The following PPARGC1A variants were observed in gnomAD, a reference collection of about 807,000 sequenced individuals.
The protein encoded by PPARGC1A is PPARG coactivator 1 alpha.
Under a neutral mutation model 88.7 loss-of-function variants are expected in PPARGC1A, and 25 were observed. The observed-to-expected ratio is 0.28, with a 90% CI of 0.21 to 0.39. The LOEUF is 0.39. Ranked by LOEUF, PPARGC1A falls within the 10% of genes least tolerant of loss-of-function variation. The probability of loss-of-function intolerance (pLI) is 1.00; values close to 1 mark genes in which losing one functional copy is unlikely to be tolerated. For missense variants in PPARGC1A, 880 were observed against 968.7 expected, an observed-to-expected ratio of 0.91 and a Z score of 1.22; for synonymous variants, 363 against 355.6, an observed-to-expected ratio of 1.02 and a Z score of -0.24.
chr4:24,331,958 C>T, the PPARGC1A span, among the ~76,000 whole-genome samples: 9 of 151,828 alleles, frequency 5.9e-5, no homozygotes, highest in Admixed American at 2.0e-4. Context: ...TGACAGGCCC[C>T]GGTGTGTGAC....
chr4:24,283,577 A>G, the PPARGC1A span, among the ~76,000 whole-genome samples: 5 of 152,234 alleles, frequency 3.3e-5, no homozygotes, highest in Non-Finnish European at 5.9e-5. Flanking sequence ...AAGTAGACCA[A>G]TAAATAGAAA....
At chr4:24,029,789 A>G in the PPARGC1A span, among the ~76,000 whole-genome samples, 1 of 151,884 alleles carries the variant, frequency 6.6e-6, no homozygotes, top group Non-Finnish European at 1.5e-5. Flanking sequence ...CAGGAAAAAA[A>G]AATATAATAC....
intron 3 of PPARGC1A, among the ~76,000 whole-genome samples, chr4:23,830,147 T>C (rs1724743082): frequency 1.3e-5 from 2 of 152,302 alleles, no homozygotes; most frequent in Non-Finnish European, 2.9e-5. Context: ...ATGAAAGATT[T>C]TGTGATGCTT....
At chr4:24,169,744 C>T in the PPARGC1A span, among the ~76,000 whole-genome samples, 368 of 152,144 alleles carry the variant, frequency 2.4e-3, 1 homozygote, top group African/African-American at 8.5e-3. Context: ...TGGCAGGCGC[C>T]TGTAATCCCA....
At chr4:24,053,030 A>AT in the PPARGC1A span, among the ~76,000 whole-genome samples, 4,584 of 140,768 alleles carry the variant, frequency 0.033, 212 homozygotes, top group African/African-American at 0.11. Context: ...CACCCGGCTA[A>AT]TTTTTTTTTT....
At chr4:24,236,818 G>A in the PPARGC1A span, among the ~76,000 whole-genome samples, 640 of 152,238 alleles carry the variant, frequency 4.2e-3, 7 homozygotes, top group Middle Eastern at 0.031. Context: ...TTATATGTTC[G>A]AAAATCCCCT....
chr4:23,921,045 ACCC>A, the PPARGC1A span, among the ~76,000 whole-genome samples: 1 of 150,844 alleles, frequency 6.6e-6, no homozygotes, highest in South Asian at 2.1e-4. Context: ...CTCCCGTGCC[ACCC>A]CCCACCCACT....
At chr4:24,387,850 AAG>A in the PPARGC1A span, among the ~76,000 whole-genome samples, 2 of 72,624 alleles carry the variant, frequency 2.8e-5, no homozygotes, top group African/African-American at 7.2e-5. Flanking sequence ...GAGAGAGAGA[AAG>A]AGAGAAAGAG....
the PPARGC1A span, among the ~76,000 whole-genome samples, chr4:24,323,601 A>C: frequency 1.3e-5 from 2 of 151,822 alleles, no homozygotes; most frequent in African/African-American, 4.8e-5. Flanking sequence ...CCCCACCCCT[A>C]TCTCCCTTCA....
the PPARGC1A span, among the ~76,000 whole-genome samples, chr4:24,350,293 C>T: frequency 1.3e-5 from 2 of 152,304 alleles, no homozygotes; most frequent in South Asian, 2.1e-4. Context: ...GCATGAGCCA[C>T]GGCGCCCCCT....
Position 23,874,122 on chromosome 4 carries a change from T to C in PPARGC1A, c.234+10630A>G, listed in dbSNP as rs562806259. 6.6e-5 allele frequency among the ~76,000 whole-genome samples: 10 copies of C among 152,352 alleles called. No individual in the cohort carries two copies. The East Asian group carries it at 1.9e-3, about 29-fold the overall frequency. On this transcript the variant is annotated intron_variant, in intron 2 of 12. Coordinates refer to ENST00000264867, the MANE Select transcript of PPARGC1A (RefSeq NM_013261.5). ...ATTATCGCAAGCCAGAATATGACTC[T>C]ATTTATGTGACAGGTTGACAACATA...
chr4:24,073,325 A>G, the PPARGC1A span, among the ~76,000 whole-genome samples: 1 of 152,142 alleles, frequency 6.6e-6, no homozygotes, highest in Non-Finnish European at 1.5e-5. Flanking sequence ...CACAGACATG[A>G]GCCATCATGC....
At chr4:23,812,659 T>G (rs1721134384) in intron 10 of PPARGC1A, 88 bp downstream of exon 10, 1 of 1,581,434 alleles carries the variant, frequency 6.3e-7, no homozygotes, top group African/African-American at 1.4e-5. Context: ...ACTTAGCTTT[T>G]GTTTATTTTC....
the PPARGC1A span, among the ~76,000 whole-genome samples, chr4:24,156,154 A>T: frequency 6.6e-6 from 1 of 152,146 alleles, no homozygotes; most frequent in African/African-American, 2.4e-5. Context: ...AATCAACGAC[A>T]CAGCTGGAAA....
At chr4:23,905,643 G>A (rs995475745), upstream of PPARGC1A, among the ~76,000 whole-genome samples, 4 of 152,190 alleles carry the variant, frequency 2.6e-5, no homozygotes, top group Non-Finnish European at 4.4e-5. Context: ...CAAATGCTGT[G>A]CTGAGTAGTT....
the PPARGC1A span, among the ~76,000 whole-genome samples, chr4:24,425,965 A>T: frequency 1.3e-5 from 2 of 152,352 alleles, no homozygotes; most frequent in East Asian, 3.9e-4. Context: ...ATTTAACAAT[A>T]AATATTTCAA....
At chr4:24,256,243 G>C in the PPARGC1A span, among the ~76,000 whole-genome samples, 1 of 152,124 alleles carries the variant, frequency 6.6e-6, no homozygotes, top group Non-Finnish European at 1.5e-5. Flanking sequence ...AGGGAGTCTT[G>C]TTTCAAAGGA....
At chr4:24,415,144 C>T in the PPARGC1A span, among the ~76,000 whole-genome samples, 2 of 151,238 alleles carry the variant, frequency 1.3e-5, no homozygotes, top group African/African-American at 4.9e-5. Context: ...GAGCCAAGAT[C>T]GCACCACTGC....
chr4:24,388,143 G>GAAAA, the PPARGC1A span, among the ~76,000 whole-genome samples: 1 of 148,310 alleles, frequency 6.7e-6, no homozygotes, highest in African/African-American at 2.5e-5. Context: ...AAATCTACAA[G>GAAAA]AAAAAAAAAA....
Sources: gnomAD v4.1 joint callset for allele counts (sites outside exome capture counted in the v4.1 genomes callset) on GRCh38, gnomAD v4.1.1 for gene constraint, MANE v1.5 for transcripts, NCBI Gene and HGNC (gene_info 2026-07-23, HGNC 2026-07-21) for gene names.